SI: variants seen among roughly 807,000 people sequenced by gnomAD.
The protein encoded by SI is sucrase-isomaltase.
In SI, 235 loss-of-function variants were observed where a neutral mutation model predicts 253.3. That is an observed-to-expected ratio of 0.93 (90% CI 0.83 to 1.03). The LOEUF (loss-of-function observed/expected upper bound fraction) is 1.03. Among genes scored for constraint, SI ranks in the 50% least tolerant of loss-of-function variants. SI has a pLI of 0.00. For synonymous variants in SI, 819 were observed against 712.0 expected (o/e 1.15, Z -2.39); for missense variants, 2,442 against 2,211.1 (o/e 1.10, Z -2.09).
At chr3:165,061,706 G>T (rs9290261) in intron 9 of SI, among the ~76,000 whole-genome samples, 91,068 of 151,780 alleles carry the variant, frequency 0.6, 27,516 homozygotes, top group East Asian at 0.81. Context: ...TATCAACAGT[G>T]AAAAGAGAGA....
At position 165,008,002 on chromosome 3, in the gene SI, A is replaced by T. The variant is rs765472788; in HGVS notation, c.4180-4T>A. The T allele has an allele frequency of 2.7e-6, 4 of 1,463,248 alleles. No individual in the cohort carries two copies. The highest frequency in any genetic ancestry group is 3.8e-6 in the Non-Finnish European group (4 of 1,045,756). The allele number at this position is 1,463,248 out of a possible 1,614,324, so 90.6% of individuals were successfully genotyped here. Reference sequence around the variant, plus strand: ...AACTTGATGGCTCATTCATATCCTTAAAAAAAGATGAAAGAAAAAGGTAAA... The same window carrying T: ...AACTTGATGGCTCATTCATATCCTTTAAAAAAGATGAAAGAAAAAGGTAAA... On this transcript the variant is annotated splice_polypyrimidine_tract_variant and splice_region_variant and intron_variant, in intron 35 of 47. Transcript: ENST00000264382.
intron 40 of SI, 141 bp from the exon 41 acceptor site, chr3:164,994,546 T>G (rs2108131580): frequency 1.3e-6 from 1 of 774,728 alleles, no homozygotes; most frequent in Non-Finnish European, 2.2e-6. Flanking sequence ...CCCAAAATCT[T>G]ACACAATAAT....
intron 44 of SI, among the ~76,000 whole-genome samples, chr3:164,989,180 T>C (rs1717586973): frequency 6.6e-6 from 1 of 150,788 alleles, no homozygotes; most frequent in Non-Finnish European, 1.5e-5. Context: ...ACTCCGTCTC[T>C]ACTAAAAATA....
chr3:164,992,364 GA>G lies in SI; in HGVS notation c.4874del (p.Phe1625SerfsTer23). 1 of 1,612,966 alleles carries G rather than the reference GA, an allele frequency of 6.2e-7. No individual in the cohort carries two copies. Among genetic ancestry groups the G allele is most frequent in the Non-Finnish European group, 8.5e-7 (1 of 1,179,300 alleles). ...FFDEKPTWDI[F>X]KQFLWGPAFM... ...ATGCTGGACCCCATAAGAACTGCTT[GA>G]ATATATCCCAGGTTGGTTTTTCATC... On this transcript the variant is annotated frameshift_variant, in exon 42 of 48. Coordinates refer to ENST00000264382, the MANE Select transcript of SI (RefSeq NM_001041.4). LOFTEE classifies it high-confidence loss of function.
At chr3:165,071,801 G>A (rs561420015) in intron 3 of SI, among the ~76,000 whole-genome samples, 1 of 152,218 alleles carries the variant, frequency 6.6e-6, no homozygotes, top group South Asian at 2.1e-4. Flanking sequence ...GTCTACAAGC[G>A]AGAAAGAGAG....
intron 6 of SI, 77 bp from the exon 7 acceptor site, chr3:165,065,509 T>G: frequency 5.2e-6 from 1 of 191,032 alleles, no homozygotes; most frequent in Non-Finnish European, 8.1e-6. Flanking sequence ...TTCTACCAGA[T>G]ACAGGTTTAT....
At chr3:165,053,588 G>A (rs1044658053) in intron 13 of SI, among the ~76,000 whole-genome samples, 1 of 152,004 alleles carries the variant, frequency 6.6e-6, no homozygotes, top group Non-Finnish European at 1.5e-5. Context: ...TTTGTTTAAG[G>A]CTTAGTTACA....
the SI span, among the ~76,000 whole-genome samples, chr3:165,087,743 T>C: frequency 5.3e-5 from 8 of 152,192 alleles, no homozygotes; most frequent in Non-Finnish European, 7.3e-5. Flanking sequence ...CTATCAGATT[T>C]ATATTAATTA....
At chr3:165,049,358 G>C in intron 14 of SI, 114 bp from the exon 15 acceptor site, 1 of 735,588 alleles carries the variant, frequency 1.4e-6, no homozygotes. Flanking sequence ...TCCATATTTG[G>C]TTAAAAACAA....
chr3:164,993,267 T>C (rs1179709566), intron 41 of SI, among the ~76,000 whole-genome samples: 1 of 151,736 alleles, frequency 6.6e-6, no homozygotes, highest in Admixed American at 6.6e-5. Flanking sequence ...GTAAAGTCTG[T>C]AAATAAAAAG....
intron 46 of SI, 118 bp from the exon 47 acceptor site, chr3:164,982,528 G>T (rs1009527038): frequency 2.7e-6 from 2 of 752,354 alleles, no homozygotes; most frequent in East Asian, 2.7e-5. Context: ...GTTTATTTGT[G>T]CATTTGATAT....
intron 12 of SI, among the ~76,000 whole-genome samples, chr3:165,057,576 C>T (rs1713756860): frequency 6.6e-6 from 1 of 151,060 alleles, no homozygotes; most frequent in South Asian, 2.1e-4. Context: ...AGAAAGAAGG[C>T]AAAAAGCAGC....
rs143631771 is a variant in SI, at chr3:165,023,668, G to T, written c.3001C>A (p.Leu1001Ile). ...TTTATTCTGGCATTTGCAGTATTTA[G>T]TTGGAGGTCAGCTGTTATACCCATG... ...SSMGITADLQ[L>I]NTANARIKLP... The change falls in exon 26 of 48, where the codon CTA (leucine) becomes ATA (isoleucine). Residue 1001 changes from leucine (L) to isoleucine (I), a missense_variant. Leu to Ile is a conservative substitution (Grantham distance 5, BLOSUM62 2). Transcript: ENST00000264382. The T allele has an allele frequency of 2.5e-6, 4 of 1,610,946 alleles. No individual in the cohort carries two copies. The highest frequency in any genetic ancestry group is 2.7e-5 in the African/African-American group (2 of 74,792).
chr3:165,040,063 G>T, intron 18 of SI, 92 bp from the exon 19 acceptor site: 1 of 978,458 alleles, frequency 1.0e-6, no homozygotes, highest in South Asian at 1.3e-5. Context: ...TTTTTCCTGG[G>T]AATTGTTGTT....
intron 41 of SI, 44 bp downstream of exon 41, chr3:164,994,213 A>G: frequency 6.4e-7 from 1 of 1,573,120 alleles, no homozygotes; most frequent in East Asian, 2.3e-5. Context: ...AAATTAAGTG[A>G]AAAGTATCTC....
rs529637050 is a variant in SI, at chr3:165,076,108, T to C, written c.1-96A>G. On this transcript the variant is annotated intron_variant, in intron 1 of 47. Coordinates refer to ENST00000264382, the MANE Select transcript of SI (RefSeq NM_001041.4). ...TGAAATTACATATTCTTTTTTTTAC[T>C]ATGTATAATGCAGAGTTGAAGACAG... 1,601 of 939,086 alleles carry C rather than the reference T, an allele frequency of 1.7e-3. 3 individuals carry two copies. Among genetic ancestry groups the C allele is most frequent in the Non-Finnish European group, 2.3e-3 (1,513 of 650,420 alleles). 58.2% of individuals were successfully genotyped at this position (939,086 alleles called of 1,614,324 possible).
rs757068502 is a variant in SI at position 165,039,100 on chromosome 3, G to A, written c.2279C>T (p.Ala760Val). 17 of 1,593,342 alleles carry A rather than the reference G, an allele frequency of 1.1e-5. No individual in the cohort carries two copies. Among genetic ancestry groups the A allele is most frequent in the Middle Eastern group, 3.6e-4 (2 of 5,522 alleles). The stretch of plus-strand genomic sequence containing the variant: ...TACAGATTCATAATCATACCAAATA[G>A]CATCAGGGATGTAGGCACTCACAGT... ...ADTVSAYIPD[A>V]IWYDYESGAK... The change falls in exon 20 of 48, where the codon GCT becomes GTT. Residue 760 changes from alanine (A) to valine (V), a missense_variant. Transcript: ENST00000264382.
chr3:164,996,639 T>A lies in SI; in HGVS notation c.4588A>T (p.Ile1530Phe). ...LFGMSYTGAD[I>F]CGFFNNSEYH... ...TCTGAGTTGTTGAAAAAACCACAGA[T>A]GTCTGCTCCAGTCTAAAATATATTG... Residue 1530 changes from isoleucine to phenylalanine, a missense_variant, in exon 40 of 48, where the codon ATC becomes TTC. Physicochemically the swap from Ile to Phe is conservative, Grantham distance 21 (BLOSUM62 0). Transcript: ENST00000264382. The A allele has an allele frequency of 6.3e-7, 1 of 1,585,036 alleles. No individual in the cohort carries two copies. The highest frequency in any genetic ancestry group is 1.7e-5 in the Admixed American group (1 of 59,682).
rs533646946 is a variant in SI, at chr3:165,029,962, A to C, written c.2892+750T>G. Among the ~76,000 whole-genome samples the C allele has an allele frequency of 1.2e-4, 18 of 150,582 alleles. 1 individual carries two copies. The highest frequency in any genetic ancestry group is 3.4e-3 in the Middle Eastern group (1 of 294). On this transcript the variant is annotated intron_variant, in intron 25 of 47. Transcript: ENST00000264382. ...ATTATGCTGCTTTAACAATTAATGG[A>C]GAGAAATTGGGATAATTTCTCTGGA...
Sources: gnomAD v4.1 joint callset for allele counts (sites outside exome capture counted in the v4.1 genomes callset) on GRCh38, gnomAD v4.1.1 for gene constraint, MANE v1.5 for transcripts, NCBI Gene and HGNC (gene_info 2026-07-23, HGNC 2026-07-21) for gene names.